Variants in PARD3B observed in about 807,000 individuals in gnomAD.
PARD3B encodes the protein partitioning defective 3 homolog B.
In PARD3B, 103 loss-of-function variants were observed where a neutral mutation model predicts 130.2. The observed-to-expected ratio is 0.79, with a 90% CI of 0.67 to 0.93. The LOEUF is 0.93. Among genes scored for constraint, PARD3B ranks in the 40% least tolerant of loss-of-function variants. PARD3B has a pLI of 0.00. For synonymous variants in PARD3B, 583 were observed against 553.2 expected (o/e 1.05, Z -0.76); for missense variants, 1,609 against 1,499.2 (o/e 1.07, Z -1.21).
chr2:204,651,906 C>T (rs1267971487), intron 1 of PARD3B, among the ~76,000 whole-genome samples: 2 of 152,166 alleles, frequency 1.3e-5, no homozygotes, highest in Admixed American at 6.5e-5. Flanking sequence ...GAAGCTATGG[C>T]CCAAGCTGTA....
chr2:205,062,910 A>G (rs1040576200), intron 4 of PARD3B, among the ~76,000 whole-genome samples: 1 of 152,132 alleles, frequency 6.6e-6, no homozygotes, highest in Non-Finnish European at 1.5e-5. Context: ...ACATTTCTGC[A>G]TTTTTAATGT....
chr2:204,745,550 C>A (rs2040184446), intron 2 of PARD3B, among the ~76,000 whole-genome samples: 3 of 151,836 alleles, frequency 2.0e-5, no homozygotes, highest in Admixed American at 2.0e-4. Context: ...TTACAGGCAC[C>A]TACCACCACA....
chr2:204,923,164 G>A (rs1216551604), intron 2 of PARD3B, among the ~76,000 whole-genome samples: 2 of 152,002 alleles, frequency 1.3e-5, no homozygotes, highest in East Asian at 1.9e-4. Flanking sequence ...GTGCTGAGAC[G>A]AGAAAGTATT....
intron 15 of PARD3B, among the ~76,000 whole-genome samples, chr2:205,237,556 A>T (rs1414089855): frequency 6.6e-6 from 1 of 152,182 alleles, no homozygotes; most frequent in East Asian, 1.9e-4. Context: ...AACTCATAAC[A>T]TTTGCAGGTT....
At chr2:205,139,269 G>A (rs1040901638) in intron 10 of PARD3B, among the ~76,000 whole-genome samples, 1 of 151,884 alleles carries the variant, frequency 6.6e-6, no homozygotes, top group East Asian at 1.9e-4. Flanking sequence ...ACTAGAAATT[G>A]CCTTGCCTGT....
intron 20 of PARD3B, among the ~76,000 whole-genome samples, chr2:205,442,651 A>G (rs1052688323): frequency 3.9e-5 from 6 of 152,106 alleles, no homozygotes; most frequent in Admixed American, 2.0e-4. Context: ...GCTGACATGC[A>G]TTCTGAGTTT....
chr2:205,512,032 AAAGG>A (rs1435629430), intron 21 of PARD3B, among the ~76,000 whole-genome samples: 1 of 152,214 alleles, frequency 6.6e-6, no homozygotes, highest in Non-Finnish European at 1.5e-5. Context: ...CTTACCTCTG[AAAGG>A]AAGACAGAAA....
intron 3 of PARD3B, among the ~76,000 whole-genome samples, chr2:204,978,095 G>A (rs1158234112): frequency 6.6e-6 from 1 of 152,104 alleles, no homozygotes; most frequent in Admixed American, 6.5e-5. Context: ...GCAGCCAGAG[G>A]GAAAATGGTC....
intron 1 of PARD3B, among the ~76,000 whole-genome samples, chr2:204,668,605 A>C (rs2036133970): frequency 6.6e-6 from 1 of 152,178 alleles, no homozygotes; most frequent in Non-Finnish European, 1.5e-5. Context: ...TCTCTGAGGT[A>C]AGTCTTCTAG....
At chr2:204,572,701 C>T (rs2032064732) in intron 1 of PARD3B, among the ~76,000 whole-genome samples, 1 of 152,118 alleles carries the variant, frequency 6.6e-6, no homozygotes, top group African/African-American at 2.4e-5. Context: ...GGTAAATACT[C>T]TAGACAGCTG....
intron 21 of PARD3B, among the ~76,000 whole-genome samples, chr2:205,551,915 G>A (rs2052662884): frequency 6.6e-6 from 1 of 152,102 alleles, no homozygotes; most frequent in African/African-American, 2.4e-5. Flanking sequence ...CTCCTTCCAT[G>A]CCCATGTGTG....
intron 22 of PARD3B, among the ~76,000 whole-genome samples, chr2:205,566,207 C>T (rs1263760901): frequency 6.6e-6 from 1 of 152,184 alleles, no homozygotes; most frequent in Non-Finnish European, 1.5e-5. Flanking sequence ...TACTCAAAGA[C>T]TAGAAACCTT....
intron 18 of PARD3B, among the ~76,000 whole-genome samples, chr2:205,356,524 G>A (rs2044197719): frequency 6.6e-6 from 1 of 151,992 alleles, no homozygotes. Context: ...CACTGCACCT[G>A]GCTGAGATTA....
chr2:204,938,187 G>GTGA (rs1237731316), intron 2 of PARD3B, among the ~76,000 whole-genome samples: 2 of 152,194 alleles, frequency 1.3e-5, no homozygotes, highest in Non-Finnish European at 2.9e-5. Context: ...AAAAGTCATT[G>GTGA]TGACAAAACA....
intron 1 of PARD3B, among the ~76,000 whole-genome samples, chr2:204,583,954 A>G (rs1053207492): frequency 6.6e-6 from 1 of 152,228 alleles, no homozygotes; most frequent in Non-Finnish European, 1.5e-5. Flanking sequence ...TGCTTGCCCA[A>G]GTTCCTGGTG....
chr2:204,884,322 G>T (rs1464050729), intron 2 of PARD3B, among the ~76,000 whole-genome samples: 7 of 152,052 alleles, frequency 4.6e-5, no homozygotes, highest in Admixed American at 3.9e-4. Flanking sequence ...TAATTTGAAT[G>T]CTTTCAAATA....
intron 1 of PARD3B, among the ~76,000 whole-genome samples, chr2:204,616,613 C>G (rs1471724286): frequency 6.6e-6 from 1 of 152,138 alleles, no homozygotes; most frequent in Non-Finnish European, 1.5e-5. Flanking sequence ...ATTGTGCTCC[C>G]TGATATTTAC....
intron 2 of PARD3B, among the ~76,000 whole-genome samples, chr2:204,740,237 A>G (rs2039948243): frequency 6.6e-6 from 1 of 151,196 alleles, no homozygotes; most frequent in Non-Finnish European, 1.5e-5. Flanking sequence ...GGCCAGGCTG[A>G]TCGCGATCTC....
At chr2:205,336,092 G>A (rs1031700159) in intron 18 of PARD3B, among the ~76,000 whole-genome samples, 1 of 152,178 alleles carries the variant, frequency 6.6e-6, no homozygotes, top group Admixed American at 6.5e-5. Context: ...GTCCTCAAGC[G>A]ATCTACGCAC....
Sources: gnomAD v4.1 joint callset for allele counts (sites outside exome capture counted in the v4.1 genomes callset) on GRCh38, gnomAD v4.1.1 for gene constraint, MANE v1.5 for transcripts, NCBI Gene and HGNC (gene_info 2026-07-23, HGNC 2026-07-21) for gene names.